The following SLC25A18 variants were observed in gnomAD, a reference collection of about 807,000 sequenced individuals.
SLC25A18 encodes solute carrier family 25 member 18.
SLC25A18 carries 24 observed loss-of-function variants against 31.1 expected under a neutral mutation model. The ratio of observed to expected loss-of-function variants is 0.77; its 90% CI spans 0.56 to 1.08. The LOEUF (loss-of-function observed/expected upper bound fraction) is 1.08. Ranked by LOEUF, SLC25A18 falls within the 50% of genes least tolerant of loss-of-function variation. SLC25A18 has a pLI of 0.00. For missense variants in SLC25A18, 371 were observed against 418.5 expected (o/e 0.89, Z 0.99); for synonymous variants, 173 against 161.9 (o/e 1.07, Z -0.52).
In SLC25A18 at chr22:17,587,820, C is replaced by T. The variant is rs1016875497; in HGVS notation, c.576-105C>T. The T allele has an allele frequency of 1.1e-5, 16 of 1,421,156 alleles. No homozygotes were observed. The Admixed American group carries it at 1.4e-4, about 13-fold the overall frequency. The allele number at this position is 1,421,156 out of a possible 1,614,324, so 88.0% of individuals were successfully genotyped here. ...AAAGAAGGGATGAGTCCCCGTGGCTCCTCTCACTGTAAGCCCCACAGCTCA... is the reference window on the plus strand; with the variant it reads ...AAAGAAGGGATGAGTCCCCGTGGCTTCTCTCACTGTAAGCCCCACAGCTCA... On this transcript the variant is annotated intron_variant, in intron 8 of 10. Coordinates refer to ENST00000327451, the MANE Select transcript of SLC25A18 (RefSeq NM_031481.3).
chr22:17,590,408 C>CT lies in SLC25A18; in HGVS notation c.*174dup. The CT allele has an allele frequency of 1.4e-6, 1 of 709,826 alleles. No homozygotes were observed. The allele number at this position is 709,826 out of a possible 1,614,324, so 44.0% of individuals were successfully genotyped here. ...TATATTCTAACAAGTTGAGCACAGC[C>CT]TTCTTCCCCTTCGTGTCTACACTCG... On this transcript the variant is annotated 3_prime_UTR_variant, in exon 11 of 11. Transcript: ENST00000327451.
At chr22:17,574,667 C>T (rs1228279061) in intron 2 of SLC25A18, among the ~76,000 whole-genome samples, 2 of 148,970 alleles carry the variant, frequency 1.3e-5, no homozygotes, top group Non-Finnish European at 3.0e-5. Flanking sequence ...CAGGCACGTG[C>T]CATCACGTCT....
chr22:17,587,217 C>T lies in SLC25A18; in HGVS notation c.491C>T (p.Pro164Leu), dbSNP rs2057575572. The change falls in exon 8 of 11, where the codon CCC becomes CTC. Residue 164 changes from proline to leucine, a missense_variant. Coordinates refer to ENST00000327451, the MANE Select transcript of SLC25A18 (RefSeq NM_031481.3). ...GGTTCGGCTTCCACCCACAGGCGCC[C>T]CTCTGCCACCCTCATTGCCTGGGAG... Reference protein sequence around the residue: ...TTGSASTHRRPSATLIAWELL... With the variant: ...TTGSASTHRRLSATLIAWELL... 1.2e-6 allele frequency: 2 copies of T among 1,614,144 alleles called. No homozygotes were observed. Among genetic ancestry groups the T allele is most frequent in the African/African-American group, 1.3e-5 (1 of 75,058 alleles).
In SLC25A18 at chr22:17,574,800, C is replaced by T. The variant is rs777379001; in HGVS notation, c.-201+4814C>T. Among the ~76,000 whole-genome samples, 151 of 132,628 alleles carry T rather than the reference C, an allele frequency of 1.1e-3. 1 individual carries two copies. The highest frequency in any genetic ancestry group is 1.9e-3 in the Admixed American group (23 of 12,420). 87.0% of individuals were successfully genotyped at this position (132,628 alleles called of 152,430 possible). On this transcript the variant is annotated intron_variant, in intron 2 of 10. Coordinates refer to ENST00000327451, the MANE Select transcript of SLC25A18 (RefSeq NM_031481.3). ...CCTCCCAGAATGCTGGTATCACAGG[C>T]GTGAGCCACTGTGCCTGGCCAATGT...
At chr22:17,568,728 A>AT (rs1429293630) in intron 1 of SLC25A18, among the ~76,000 whole-genome samples, 1 of 150,156 alleles carries the variant, frequency 6.7e-6, no homozygotes, top group East Asian at 2.0e-4. Flanking sequence ...CGCCTGACTA[A>AT]TTTTTTGTAT....
At chr22:17,581,475 A>ACT in intron 5 of SLC25A18, 62 bp downstream of exon 5, 2 of 1,575,204 alleles carry the variant, frequency 1.3e-6, no homozygotes, top group Non-Finnish European at 1.7e-6. Flanking sequence ...GACATGGGGA[A>ACT]CTGGTGTTCC....
chr22:17,577,142 A>G (rs1317850907), intron 2 of SLC25A18, among the ~76,000 whole-genome samples: 1 of 150,928 alleles, frequency 6.6e-6, no homozygotes, highest in Non-Finnish European at 1.5e-5. Context: ...CCTACCTCAG[A>G]CTCCCAAGTA....
intron 9 of SLC25A18, 42 bp downstream of exon 9, chr22:17,588,121 T>C: frequency 6.2e-7 from 1 of 1,610,094 alleles, no homozygotes; most frequent in South Asian, 1.1e-5. Context: ...GGATAAACAG[T>C]AATTTTGCAC....
chr22:17,587,473 G>T (rs2057583648), intron 8 of SLC25A18, among the ~76,000 whole-genome samples, 172 bp downstream of exon 8: 1 of 152,178 alleles, frequency 6.6e-6, no homozygotes, highest in African/African-American at 2.4e-5. Flanking sequence ...GGCACAGAAT[G>T]GGTACCTAGA....
rs145177348 is a variant in SLC25A18, at chr22:17,570,694, C to G, written c.-201+708C>G. 5.6e-4 allele frequency among the ~76,000 whole-genome samples: 85 copies of G among 152,256 alleles called. 2 individuals carry two copies. In the East Asian group the frequency reaches 0.015, roughly 27 times the overall value. On this transcript the variant is annotated intron_variant, in intron 2 of 10. Coordinates refer to ENST00000327451, the MANE Select transcript of SLC25A18 (RefSeq NM_031481.3). ...AGAGATGGGGCTTCAGCATGTTGGC[C>G]AGGCTGGTCTCGAACTCCTAACCTC...
Position 17,586,780 on chromosome 22 carries a change from C to G in SLC25A18, c.410-356C>G, listed in dbSNP as rs543058318. ...TAAAATAACTAAAAATAAAAATGAC[C>G]TACATAGGCTGAGAAATGGTTTAGA... On this transcript the variant is annotated intron_variant, in intron 7 of 10. Coordinates refer to ENST00000327451, the MANE Select transcript of SLC25A18 (RefSeq NM_031481.3). 2.0e-5 allele frequency among the ~76,000 whole-genome samples: 3 copies of G among 152,116 alleles called. No homozygotes were observed. The East Asian group carries it at 5.8e-4, about 29-fold the overall frequency.
Position 17,590,806 on chromosome 22 carries a change from C to G in SLC25A18, c.*570C>G, listed in dbSNP as rs1177050599. On this transcript the variant is annotated 3_prime_UTR_variant, in exon 11 of 11. Transcript: ENST00000327451. ...GGCCGGCTCTGACTGGGCAGCTCAGCCCCTCCCCCAGAGCCCAGGGTCTTG... is the reference window on the plus strand; with the variant it reads ...GGCCGGCTCTGACTGGGCAGCTCAGGCCCTCCCCCAGAGCCCAGGGTCTTG... 2 of 152,934 alleles carry G rather than the reference C, an allele frequency of 1.3e-5. No homozygotes were observed. The highest frequency in any genetic ancestry group is 4.8e-5 in the African/African-American group (2 of 41,428). 9.5% of individuals were successfully genotyped at this position (152,934 alleles called of 1,614,324 possible).
At chr22:17,580,590 T>C in intron 3 of SLC25A18, 1 of 993,102 alleles carries the variant, frequency 1.0e-6, no homozygotes, top group Non-Finnish European at 1.2e-6. Flanking sequence ...TCAGCAACCC[T>C]GGAGTGAGTT....
chr22:17,588,633 G>C (rs2054232754), intron 9 of SLC25A18: 1 of 152,326 alleles, frequency 6.6e-6, no homozygotes, highest in Non-Finnish European at 1.5e-5. Context: ...CTGGGCGACA[G>C]CACAAGACTT....
intron 2 of SLC25A18, among the ~76,000 whole-genome samples, chr22:17,576,885 C>T (rs1013138809): frequency 1.7e-4 from 26 of 152,286 alleles, no homozygotes; most frequent in African/African-American, 5.8e-4. Context: ...CTGTTAAATA[C>T]CCCTATTCCA....
At chr22:17,572,654 T>TTG (rs2057124478) in intron 2 of SLC25A18, among the ~76,000 whole-genome samples, 2 of 137,460 alleles carry the variant, frequency 1.5e-5, no homozygotes, top group Non-Finnish European at 3.1e-5. Flanking sequence ...TTTTTTTTTT[T>TTG]TTTTTGAGAC....
chr22:17,570,335 C>A (rs2057053717), intron 2 of SLC25A18: 1 of 152,300 alleles, frequency 6.6e-6, no homozygotes. Flanking sequence ...CAACCCAGCT[C>A]CTCACAGTGG....
Position 17,576,808 on chromosome 22 carries a change from T to G in SLC25A18, c.-200-2937T>G, listed in dbSNP as rs138638763. ...CAAGTGCTCTCCGTGGGTGGAAACATTATCACATCTGTTAGCTATGCTATG... is the reference window on the plus strand; with the variant it reads ...CAAGTGCTCTCCGTGGGTGGAAACAGTATCACATCTGTTAGCTATGCTATG... On this transcript the variant is annotated intron_variant, in intron 2 of 10. Coordinates refer to ENST00000327451, the MANE Select transcript of SLC25A18 (RefSeq NM_031481.3). Among the ~76,000 whole-genome samples the G allele has an allele frequency of 2.9e-3, 440 of 152,294 alleles. 4 individuals are homozygous for G. Among genetic ancestry groups the G allele is most frequent in the African/African-American group, 9.1e-3 (378 of 41,568 alleles).
intron 1 of SLC25A18, 28 bp downstream of exon 1, chr22:17,563,741 A>G: frequency 3.0e-6 from 3 of 985,148 alleles, no homozygotes; most frequent in Non-Finnish European, 3.6e-6. Context: ...ACCCACCGTG[A>G]GCCTTGTACT....
Sources: gnomAD v4.1 joint callset for allele counts (sites outside exome capture counted in the v4.1 genomes callset) on GRCh38, gnomAD v4.1.1 for gene constraint, MANE v1.5 for transcripts, NCBI Gene and HGNC (gene_info 2026-07-23, HGNC 2026-07-21) for gene names.